Variants in CREB5 observed in about 807,000 individuals in gnomAD.
The protein encoded by CREB5 is cAMP responsive element binding protein 5.
Under a neutral mutation model 57.1 loss-of-function variants are expected in CREB5, and 19 were observed. That is an observed-to-expected ratio of 0.33 (90% CI 0.23 to 0.49). CREB5 has a LOEUF of 0.49. CREB5 is among the 20% of genes least tolerant of loss of function. The pLI is 0.99. For synonymous variants in CREB5, 238 were observed against 238.3 expected (o/e 1.00, Z 0.01); for missense variants, 579 against 671.6 (o/e 0.86, Z 1.52).
intron 1 of CREB5, among the ~76,000 whole-genome samples, chr7:28,401,922 TA>T (rs1787473091): frequency 6.6e-6 from 1 of 152,272 alleles, no homozygotes; most frequent in Non-Finnish European, 1.5e-5. Flanking sequence ...TTTTGGTATA[TA>T]CCCAGTAATG....
intron 1 of CREB5, among the ~76,000 whole-genome samples, chr7:28,386,487 G>T (rs910258513): frequency 6.6e-6 from 1 of 152,222 alleles, no homozygotes; most frequent in East Asian, 1.9e-4. Context: ...TTGCAGCTTC[G>T]TTGATGGGTG....
At chr7:28,688,650 G>A (rs551130151) in intron 5 of CREB5, among the ~76,000 whole-genome samples, 5 of 152,240 alleles carry the variant, frequency 3.3e-5, no homozygotes, top group South Asian at 2.1e-4. Flanking sequence ...TTATGTATCC[G>A]GGGTAGTAGC....
At chr7:28,688,257 T>C (rs998204712) in intron 5 of CREB5, among the ~76,000 whole-genome samples, 6 of 152,100 alleles carry the variant, frequency 3.9e-5, no homozygotes, top group African/African-American at 1.4e-4. Context: ...ATTACCTAGG[T>C]GAGACTGCCA....
At chr7:28,396,217 C>A (rs1359217293) in intron 1 of CREB5, among the ~76,000 whole-genome samples, 1 of 152,108 alleles carries the variant, frequency 6.6e-6, no homozygotes, top group African/African-American at 2.4e-5. Flanking sequence ...TCAGAAGATA[C>A]AAAGGCTTAG....
intron 5 of CREB5, among the ~76,000 whole-genome samples, chr7:28,608,741 T>C (rs767837921): frequency 5.3e-5 from 8 of 152,348 alleles, no homozygotes; most frequent in East Asian, 1.9e-4. Context: ...TCCTCAGACA[T>C]GGCCAACTTG....
At chr7:28,780,859 T>C (rs1806934187) in intron 7 of CREB5, among the ~76,000 whole-genome samples, 1 of 151,840 alleles carries the variant, frequency 6.6e-6, no homozygotes, top group African/African-American at 2.4e-5. Flanking sequence ...TCTCCCTGTT[T>C]GCACTGTAGT....
intron 5 of CREB5, among the ~76,000 whole-genome samples, chr7:28,576,483 C>T (rs751905193): frequency 1.0e-3 from 155 of 152,150 alleles, no homozygotes; most frequent in Admixed American, 1.6e-3. Context: ...TGCTCCTGAC[C>T]GTGGCAATAC....
In CREB5 at chr7:28,749,929, G is replaced by GTT. The variant is rs398004174; in HGVS notation, c.702+25607_702+25608dup. Reference sequence around the variant, plus strand: ...TTGACATCATTCTTGGCAACTGATAGTTTTTTTTTTTAACGTGCATTATAT... The same window carrying GTT: ...TTGACATCATTCTTGGCAACTGATAGTTTTTTTTTTTTTAACGTGCATTATAT... On this transcript the variant is annotated intron_variant, in intron 7 of 10. Coordinates refer to ENST00000357727, the MANE Select transcript of CREB5 (RefSeq NM_182898.4). Among the ~76,000 whole-genome samples, 50 of 147,718 alleles carry GTT rather than the reference G, an allele frequency of 3.4e-4. 1 individual carries two copies. In the Middle Eastern group the frequency reaches 0.017, roughly 52 times the overall value.
At chr7:28,644,568 T>G (rs1344140841) in intron 5 of CREB5, among the ~76,000 whole-genome samples, 2 of 144,570 alleles carry the variant, frequency 1.4e-5, no homozygotes, top group African/African-American at 5.8e-5. Flanking sequence ...GAACGTGGAG[T>G]GGGGTGAAGG....
intron 9 of CREB5, among the ~76,000 whole-genome samples, chr7:28,816,360 T>TATC (rs1429284560): frequency 6.6e-6 from 1 of 152,224 alleles, no homozygotes; most frequent in Non-Finnish European, 1.5e-5. Context: ...CAGAGCCCCT[T>TATC]ATCAATCACA....
chr7:28,401,746 C>T (rs1328169091), intron 1 of CREB5, among the ~76,000 whole-genome samples: 1 of 152,212 alleles, frequency 6.6e-6, no homozygotes, highest in Non-Finnish European at 1.5e-5. Context: ...ATGAACTCAT[C>T]CTTTTTTATG....
rs373950204 is a variant in CREB5, at chr7:28,724,349, A to T, written c.702+17A>T. On this transcript the variant is annotated intron_variant, in intron 7 of 10. Transcript: ENST00000357727. ...GCCAAAATGGTAAGTAACAGTTATA[A>T]TCACCCTTTCATTATTCTGTGACTT... 1.0e-4 allele frequency: 161 copies of T among 1,585,798 alleles called. No individual in the cohort carries two copies. Among genetic ancestry groups the T allele is most frequent in the Non-Finnish European group, 1.3e-4 (153 of 1,155,078 alleles).
intron 7 of CREB5, among the ~76,000 whole-genome samples, chr7:28,747,517 G>T (rs1287843911): frequency 1.3e-5 from 2 of 152,222 alleles, no homozygotes; most frequent in Non-Finnish European, 1.5e-5. Context: ...TGTCACAGGG[G>T]TTTGCTGGCA....
At chr7:28,385,035 TTGAGGAGG>T (rs1237853221) in intron 1 of CREB5, among the ~76,000 whole-genome samples, 1 of 152,224 alleles carries the variant, frequency 6.6e-6, no homozygotes, top group Non-Finnish European at 1.5e-5. Context: ...TTAGTTATCT[TTGAGGAGG>T]GTGTTTCATT....
chr7:28,491,446 C>T (rs931671687), intron 2 of CREB5, among the ~76,000 whole-genome samples: 20 of 152,062 alleles, frequency 1.3e-4, no homozygotes, highest in Non-Finnish European at 2.9e-5. Context: ...TTTGAATGAC[C>T]TTGAACTTCT....
chr7:28,708,168 T>TAGCAGA lies in CREB5; in HGVS notation c.465-10585_465-10584insAGCAGA, dbSNP rs1802218471. Among the ~76,000 whole-genome samples, 22 of 152,352 alleles carry TAGCAGA rather than the reference T, an allele frequency of 1.4e-4. No homozygotes were observed. In the South Asian group the frequency reaches 4.3e-3, roughly 30 times the overall value. ...GAGTTTGCTCAGCCTTGTTAGGCAA[T>TAGCAGA]GCCCCTTTCCTTGTTCATGTTTCCT... On this transcript the variant is annotated intron_variant, in intron 5 of 10. Transcript: ENST00000357727.
chr7:28,372,107 A>G (rs1293104971), intron 1 of CREB5, among the ~76,000 whole-genome samples: 5 of 152,178 alleles, frequency 3.3e-5, no homozygotes, highest in African/African-American at 4.8e-5. Context: ...GCTCTGTGCC[A>G]GGCGCTGGGC....
intron 1 of CREB5, among the ~76,000 whole-genome samples, chr7:28,362,665 T>G (rs1020412661): frequency 6.6e-6 from 1 of 152,258 alleles, no homozygotes; most frequent in Non-Finnish European, 1.5e-5. Flanking sequence ...TTGTATGAGC[T>G]GTAATTAATA....
At chr7:28,471,253 G>C (rs989650518) in intron 1 of CREB5, among the ~76,000 whole-genome samples, 1 of 152,166 alleles carries the variant, frequency 6.6e-6, no homozygotes, top group African/African-American at 2.4e-5. Context: ...TTTTACATAT[G>C]ATGAGAGATG....
Sources: allele counts gnomAD v4.1 joint callset (sites outside exome capture counted in the v4.1 genomes callset), GRCh38; gene constraint gnomAD v4.1.1; transcripts MANE v1.5; gene names NCBI Gene and HGNC (gene_info 2026-07-23, HGNC 2026-07-21).